IL1RAPL2: variants seen among roughly 807,000 people sequenced by gnomAD.
IL1RAPL2 encodes X-linked interleukin-1 receptor accessory protein-like 2.
In IL1RAPL2, 3 loss-of-function variants were observed where a neutral mutation model predicts 44.1. That is an observed-to-expected ratio of 0.07 (90% CI 0.03 to 0.18). IL1RAPL2 has a LOEUF of 0.18. Among genes scored for constraint, IL1RAPL2 ranks in the 10% least tolerant of loss-of-function variants. The probability of loss-of-function intolerance (pLI) is 1.00; values close to 1 mark genes in which losing one functional copy is unlikely to be tolerated. For missense variants in IL1RAPL2, 391 were observed against 496.4 expected, an observed-to-expected ratio of 0.79 and a Z score of 2.02; for synonymous variants, 181 against 178.8, an observed-to-expected ratio of 1.01 and a Z score of -0.10.
At chrX:105,130,425 T>C (rs777027977) in intron 2 of IL1RAPL2, among the ~76,000 whole-genome samples, 1 of 111,296 alleles carries the variant, frequency 9.0e-6, no homozygotes, top group African/African-American at 3.3e-5. Context: ...AATTTTAATA[T>C]CTGTATGAAT....
intron 2 of IL1RAPL2, among the ~76,000 whole-genome samples, chrX:105,094,922 T>G (rs1023037641): frequency 2.7e-5 from 3 of 111,361 alleles, no homozygotes; most frequent in Non-Finnish European, 3.8e-5. Flanking sequence ...TTCCTAAGTA[T>G]TTTTTTCATG....
rs192806575 is a variant in IL1RAPL2, at chrX:105,302,714, G to A, written c.697+35173G>A. On this transcript the variant is annotated intron_variant, in intron 5 of 10. Coordinates refer to ENST00000372582, the MANE Select transcript of IL1RAPL2 (RefSeq NM_017416.2). ...AGCTATGCTGTCTGGGTTTGGCAGA[G>A]GGGTGACACAAGCACTCCCTTGGGC... Among the ~76,000 whole-genome samples the A allele has an allele frequency of 4.5e-5, 5 of 112,017 alleles. No homozygotes were observed. The East Asian group carries it at 1.4e-3, about 32-fold the overall frequency.
chrX:105,358,956 A>G (rs1569428574), intron 5 of IL1RAPL2, among the ~76,000 whole-genome samples: 1 of 111,756 alleles, frequency 8.9e-6, no homozygotes, highest in Non-Finnish European at 1.9e-5. Context: ...GGAGATCTGG[A>G]GTTAGGATGG....
At chrX:105,550,985 G>A (rs2036848783) in intron 6 of IL1RAPL2, among the ~76,000 whole-genome samples, 1 of 111,117 alleles carries the variant, frequency 9.0e-6, no homozygotes, top group African/African-American at 3.3e-5. Flanking sequence ...ATACATATGT[G>A]ACTAACATGA....
intron 2 of IL1RAPL2, among the ~76,000 whole-genome samples, chrX:104,743,555 A>G (rs950829048): frequency 1.1e-4 from 12 of 110,852 alleles, no homozygotes; most frequent in Admixed American, 1.1e-3. Context: ...CACAGTGTAA[A>G]ATTTTAGGAC....
intron 6 of IL1RAPL2, among the ~76,000 whole-genome samples, chrX:105,592,960 T>G (rs761495656): frequency 8.9e-5 from 10 of 111,871 alleles, no homozygotes; most frequent in Non-Finnish European, 1.1e-4. Flanking sequence ...ATTTCTTGAA[T>G]TTAAATCTTG....
At chrX:104,663,635 C>T (rs751194849) in intron 2 of IL1RAPL2, among the ~76,000 whole-genome samples, 32 of 108,515 alleles carry the variant, frequency 2.9e-4, no homozygotes, top group Non-Finnish European at 5.3e-4. Context: ...ACTTTTATCT[C>T]TTTAATTAGG....
At chrX:105,010,598 C>T (rs1187862326) in intron 2 of IL1RAPL2, among the ~76,000 whole-genome samples, 2 of 111,641 alleles carry the variant, frequency 1.8e-5, no homozygotes, top group African/African-American at 6.5e-5. Context: ...TGCATTTGTG[C>T]AGCTTCATCT....
chrX:105,645,204 C>T (rs765858060), intron 6 of IL1RAPL2, among the ~76,000 whole-genome samples: 1 of 111,622 alleles, frequency 9.0e-6, no homozygotes, highest in South Asian at 3.7e-4. Context: ...CTGTCCTAAA[C>T]GTCCCATCAT....
intron 2 of IL1RAPL2, among the ~76,000 whole-genome samples, chrX:105,090,347 G>C (rs992089179): frequency 9.0e-6 from 1 of 111,602 alleles, no homozygotes; most frequent in African/African-American, 3.3e-5. Context: ...TGCAAATACT[G>C]TATTTTCTAT....
At chrX:104,878,838 C>CTT (rs199886540) in intron 2 of IL1RAPL2, among the ~76,000 whole-genome samples, 1 of 109,143 alleles carries the variant, frequency 9.2e-6, no homozygotes, top group East Asian at 2.9e-4. Context: ...TATTAGCTTC[C>CTT]TTTTTTTTTG....
rs190752709 is a variant in IL1RAPL2 at position 105,241,662 on chromosome X, A to C, written c.543+7658A>C. On this transcript the variant is annotated intron_variant, in intron 4 of 10. Coordinates refer to ENST00000372582, the MANE Select transcript of IL1RAPL2 (RefSeq NM_017416.2). ...AAATAGTAGATCAGTGCTCTAAGAA[A>C]ACCCTTTTGTGCTTTTATTTCAATG... 2.7e-3 allele frequency among the ~76,000 whole-genome samples: 302 copies of C among 111,924 alleles called. 1 individual carries two copies. The highest frequency in any genetic ancestry group is 9.1e-3 in the African/African-American group (280 of 30,873).
rs996281661 is a variant in IL1RAPL2 at position 105,247,603 on chromosome X, A to ATATG, written c.543+13600_543+13601insATGT. 2.0e-4 allele frequency among the ~76,000 whole-genome samples: 19 copies of ATATG among 95,053 alleles called. 1 individual carries two copies. Among genetic ancestry groups the ATATG allele is most frequent in the East Asian group, 7.1e-4 (2 of 2,821 alleles). The allele number at this position is 95,053 out of a possible 115,157, so 82.5% of individuals were successfully genotyped here. On this transcript the variant is annotated intron_variant, in intron 4 of 10. Transcript: ENST00000372582. ...TAGAAGTGTGTGTGTATATATATAT[A>ATATG]TGTGTGTGTGTGTGTGTGTGTGTGT...
chrX:105,658,961 C>CA (rs1157609868), intron 6 of IL1RAPL2, among the ~76,000 whole-genome samples: 1,497 of 37,640 alleles, frequency 0.04, 26 homozygotes, highest in East Asian at 0.14. Flanking sequence ...GACTCCGTCT[C>CA]AAAAAAAAAA....
intron 6 of IL1RAPL2, among the ~76,000 whole-genome samples, chrX:105,625,453 C>T (rs1055308272): frequency 1.8e-5 from 2 of 112,028 alleles, no homozygotes; most frequent in Non-Finnish European, 3.8e-5. Context: ...TGGATGTGGT[C>T]ACAACAACTA....
At chrX:104,902,384 C>T (rs945216126) in intron 2 of IL1RAPL2, among the ~76,000 whole-genome samples, 6 of 111,757 alleles carry the variant, frequency 5.4e-5, no homozygotes, top group Admixed American at 9.5e-5. Context: ...TTACATCAAC[C>T]GAAACAATTT....
chrX:105,551,690 A>G (rs2036857120), intron 6 of IL1RAPL2, among the ~76,000 whole-genome samples: 1 of 112,518 alleles, frequency 8.9e-6, no homozygotes, highest in African/African-American at 3.2e-5. Flanking sequence ...ACAATGCAGC[A>G]AGAAAGTGAT....
intron 2 of IL1RAPL2, among the ~76,000 whole-genome samples, chrX:104,688,883 A>G (rs1175084861): frequency 3.6e-5 from 4 of 112,102 alleles, no homozygotes; most frequent in African/African-American, 1.3e-4. Context: ...AGCTTTTTAA[A>G]TTTTAAAAGT....
chrX:104,962,036 A>G (rs924478253), intron 2 of IL1RAPL2, among the ~76,000 whole-genome samples: 5 of 112,292 alleles, frequency 4.5e-5, no homozygotes, highest in African/African-American at 1.3e-4. Flanking sequence ...CCTTCACAGC[A>G]GTAGGAACTC....
Sources: allele counts gnomAD v4.1 joint callset (sites outside exome capture counted in the v4.1 genomes callset), GRCh38; gene constraint gnomAD v4.1.1; transcripts MANE v1.5; gene names NCBI Gene and HGNC (gene_info 2026-07-23, HGNC 2026-07-21).